The following PRPH2 variants were observed in gnomAD, a reference collection of about 807,000 sequenced individuals.
PRPH2 encodes peripherin 2, also known as peripherin-2.
Under a neutral mutation model 31.3 loss-of-function variants are expected in PRPH2, and 17 were observed. The observed-to-expected ratio is 0.54, with a 90% CI of 0.37 to 0.81. PRPH2 has a LOEUF of 0.81. Ranked by LOEUF, PRPH2 falls within the 40% of genes least tolerant of loss-of-function variation. The pLI is 0.00. For missense variants in PRPH2, 430 were observed against 439.7 expected (o/e 0.98, Z 0.20); for synonymous variants, 165 against 184.4 (o/e 0.89, Z 0.85).
At chr6:42,700,256 A>G (rs941024505) in intron 2 of PRPH2, among the ~76,000 whole-genome samples, 1 of 152,218 alleles carries the variant, frequency 6.6e-6, no homozygotes, top group Non-Finnish European at 1.5e-5. Flanking sequence ...GTGAGCCACC[A>G]CACCCTGTTT....
At position 42,700,233 on chromosome 6, in the gene PRPH2, T is replaced by C. The variant is rs578206754; in HGVS notation, c.829-1726A>G. Reference sequence around the variant, plus strand: ...TGCCCGCCTCAGCCTCCCAAAGTGCTGGGATTACAGGCGTGAGCCACCACA... The same window carrying C: ...TGCCCGCCTCAGCCTCCCAAAGTGCCGGGATTACAGGCGTGAGCCACCACA... On this transcript the variant is annotated intron_variant, in intron 2 of 2. Transcript: ENST00000230381. Among the ~76,000 whole-genome samples, 7 of 152,366 alleles carry C rather than the reference T, an allele frequency of 4.6e-5. No individual in the cohort carries two copies. The South Asian group carries it at 1.2e-3, about 27-fold the overall frequency.
intron 1 of PRPH2, among the ~76,000 whole-genome samples, chr6:42,720,294 T>C (rs1331730936): frequency 6.6e-6 from 1 of 152,144 alleles, no homozygotes; most frequent in Non-Finnish European, 1.5e-5. Context: ...AGGGAAATGA[T>C]AGAGGAAAAG....
intron 1 of PRPH2, among the ~76,000 whole-genome samples, chr6:42,713,737 A>G (rs1386635574): frequency 2.6e-5 from 4 of 151,964 alleles, no homozygotes; most frequent in African/African-American, 9.7e-5. Context: ...CCTGGCCAAC[A>G]TGGAGAAACC....
intron 1 of PRPH2, among the ~76,000 whole-genome samples, chr6:42,706,690 A>G (rs1800171201): frequency 6.6e-6 from 1 of 152,134 alleles, no homozygotes; most frequent in Non-Finnish European, 1.5e-5. Context: ...TGTTTCCAAT[A>G]GAGATTATTT....
At chr6:42,721,415 A>C (rs1761899596) in intron 1 of PRPH2, among the ~76,000 whole-genome samples, 1 of 152,184 alleles carries the variant, frequency 6.6e-6, no homozygotes, top group African/African-American at 2.4e-5. Flanking sequence ...TCTATGAATG[A>C]CTTCCATCCC....
At chr6:42,698,889 C>A (rs1184284376) in intron 2 of PRPH2, among the ~76,000 whole-genome samples, 1 of 152,106 alleles carries the variant, frequency 6.6e-6, no homozygotes, top group Non-Finnish European at 1.5e-5. Context: ...AGCTCATCCT[C>A]CCTCCCCATC....
chr6:42,705,411 C>G (rs1800135788), intron 1 of PRPH2, among the ~76,000 whole-genome samples: 1 of 151,038 alleles, frequency 6.6e-6, no homozygotes, highest in Non-Finnish European at 1.5e-5. Flanking sequence ...TCAAAACTCC[C>G]TGAGCTGCAC....
At chr6:42,711,996 C>T (rs531671104) in intron 1 of PRPH2, 137 of 982,856 alleles carry the variant, frequency 1.4e-4, no homozygotes, top group East Asian at 5.7e-4. Context: ...TCATGTGCTA[C>T]GGTAAGATAC....
intron 1 of PRPH2, among the ~76,000 whole-genome samples, chr6:42,710,643 G>A (rs746013474): frequency 2.6e-5 from 4 of 152,176 alleles, no homozygotes; most frequent in African/African-American, 7.2e-5. Context: ...GGCCGGGGGC[G>A]GTGGAGGAGG....
intron 1 of PRPH2, among the ~76,000 whole-genome samples, chr6:42,705,051 C>T (rs919367009): frequency 1.3e-5 from 2 of 152,178 alleles, no homozygotes; most frequent in African/African-American, 4.8e-5. Context: ...CCTTTCCAGC[C>T]AGGTGTTTCC....
chr6:42,700,341 C>T (rs1800024480), intron 2 of PRPH2, among the ~76,000 whole-genome samples: 1 of 152,174 alleles, frequency 6.6e-6, no homozygotes, highest in Non-Finnish European at 1.5e-5. Flanking sequence ...TGCTCTCCTC[C>T]ACTTCTTTGT....
chr6:42,698,662 C>G (rs1799992168), intron 2 of PRPH2, among the ~76,000 whole-genome samples, 155 bp from the exon 3 acceptor site: 1 of 152,116 alleles, frequency 6.6e-6, no homozygotes, highest in Non-Finnish European at 1.5e-5. Flanking sequence ...CCACGCTGCC[C>G]TGTCCTCAGT....
chr6:42,719,312 G>A (rs1400555295), intron 1 of PRPH2, among the ~76,000 whole-genome samples: 1 of 151,940 alleles, frequency 6.6e-6, no homozygotes, highest in Non-Finnish European at 1.5e-5. Flanking sequence ...GAGTAGCTGA[G>A]ATTACAGGCA....
intron 1 of PRPH2, among the ~76,000 whole-genome samples, chr6:42,713,338 C>G (rs902233273): frequency 2.6e-5 from 4 of 152,218 alleles, no homozygotes; most frequent in African/African-American, 9.6e-5. Flanking sequence ...CTCTGAGAGC[C>G]TCCTCCAAGT....
chr6:42,700,463 G>C (rs983469811), intron 2 of PRPH2, among the ~76,000 whole-genome samples: 4 of 152,184 alleles, frequency 2.6e-5, no homozygotes, highest in Non-Finnish European at 5.9e-5. Flanking sequence ...CAGGTAGGGG[G>C]AGGGCCTCAG....
chr6:42,714,311 A>G (rs904680142), intron 1 of PRPH2, among the ~76,000 whole-genome samples: 4 of 152,178 alleles, frequency 2.6e-5, no homozygotes, highest in Non-Finnish European at 5.9e-5. Flanking sequence ...TAGATACAGA[A>G]AGTAAACGAG....
intron 1 of PRPH2, among the ~76,000 whole-genome samples, chr6:42,714,954 AT>A (rs1326254688): frequency 6.6e-6 from 1 of 151,976 alleles, no homozygotes; most frequent in Non-Finnish European, 1.5e-5. Context: ...GCTCACGCCT[AT>A]AATCCCAGCA....
At chr6:42,715,211 A>G (rs1761753388) in intron 1 of PRPH2, among the ~76,000 whole-genome samples, 1 of 151,960 alleles carries the variant, frequency 6.6e-6, no homozygotes, top group Non-Finnish European at 1.5e-5. Flanking sequence ...TCTGTCTCAA[A>G]AAAACAAACA....
chr6:42,718,987 T>A (rs1761842625), intron 1 of PRPH2, among the ~76,000 whole-genome samples: 1 of 152,048 alleles, frequency 6.6e-6, no homozygotes, highest in South Asian at 2.1e-4. Context: ...TTAGACAAAC[T>A]TTGTGGAAAG....
Sources: gnomAD v4.1 joint callset for allele counts (sites outside exome capture counted in the v4.1 genomes callset) on GRCh38, gnomAD v4.1.1 for gene constraint, MANE v1.5 for transcripts, NCBI Gene and HGNC (gene_info 2026-07-23, HGNC 2026-07-21) for gene names.